INSL6: variants seen among roughly 807,000 people sequenced by gnomAD.
INSL6 encodes insulin-like peptide INSL6.
Under a neutral mutation model 9.4 loss-of-function variants are expected in INSL6, and 16 were observed. That is an observed-to-expected ratio of 1.70 (90% confidence interval 1.15 to 2.59). INSL6 has a LOEUF of 2.59. INSL6 is among the 30% of genes most tolerant of loss of function. The pLI, the probability that INSL6 is intolerant of heterozygous loss-of-function variation, is 0.00. For synonymous variants in INSL6, 154 were observed against 96.9 expected, an observed-to-expected ratio of 1.59 and a Z score of -3.46; for missense variants, 391 against 257.3, an observed-to-expected ratio of 1.52 and a Z score of -3.56.
At chr9:5,110,777 TA>T in the INSL6 span, 1 of 392,924 alleles carries the variant, frequency 2.5e-6, no homozygotes, top group South Asian at 2.0e-5. Context: ...GCAGGAGTGG[TA>T]AGGGCCCGGG....
intron 1 of INSL6, among the ~76,000 whole-genome samples, chr9:5,172,576 A>C (rs1465536707): frequency 6.6e-6 from 1 of 152,232 alleles, no homozygotes; most frequent in African/African-American, 2.4e-5. Context: ...CGAAGGTCTA[A>C]TATCCAGAAT....
the INSL6 span, chr9:5,097,676 T>C: frequency 1.4e-4 from 22 of 152,340 alleles, no homozygotes; most frequent in Admixed American, 1.4e-3. Flanking sequence ...CCCGCAATGT[T>C]CTGAGCCCTA....
chr9:5,105,944 T>TA, the INSL6 span, among the ~76,000 whole-genome samples: 1 of 152,178 alleles, frequency 6.6e-6, no homozygotes, highest in South Asian at 2.1e-4. Flanking sequence ...ATGTTAGACT[T>TA]AAAACCATAA....
the INSL6 span, among the ~76,000 whole-genome samples, chr9:5,023,676 G>A: frequency 1.3e-5 from 2 of 152,056 alleles, no homozygotes; most frequent in East Asian, 1.9e-4. Flanking sequence ...GTCTTGTTTC[G>A]TCTCCTTCCT....
At chr9:5,038,386 A>G in the INSL6 span, among the ~76,000 whole-genome samples, 2 of 152,194 alleles carry the variant, frequency 1.3e-5, no homozygotes, top group Non-Finnish European at 2.9e-5. Context: ...TTCACAAAAA[A>G]TAGAAAAGGA....
chr9:5,149,882 CT>C (rs1402330899), intron 2 of INSL6, among the ~76,000 whole-genome samples: 5 of 152,152 alleles, frequency 3.3e-5, no homozygotes, highest in African/African-American at 1.2e-4. Context: ...CAACAGGCTA[CT>C]CATATAAAAA....
the INSL6 span, among the ~76,000 whole-genome samples, chr9:5,068,759 G>A: frequency 8.5e-5 from 13 of 152,290 alleles, no homozygotes; most frequent in Admixed American, 6.5e-4. Flanking sequence ...AACTATTAAG[G>A]ATGGTATTGT....
chr9:5,115,122 C>A, the INSL6 span, among the ~76,000 whole-genome samples: 2 of 152,126 alleles, frequency 1.3e-5, no homozygotes, highest in African/African-American at 4.8e-5. Flanking sequence ...TCAGAGTGAA[C>A]AGGCTACCTA....
chr9:5,029,966 A>T, the INSL6 span: 1 of 1,473,020 alleles, frequency 6.8e-7, no homozygotes, highest in African/African-American at 1.4e-5. Flanking sequence ...AGAAATTATC[A>T]AATATTTTTT....
At chr9:5,088,132 AC>A in the INSL6 span, among the ~76,000 whole-genome samples, 2 of 152,064 alleles carry the variant, frequency 1.3e-5, no homozygotes, top group African/African-American at 4.8e-5. Context: ...AGGATGAAAA[AC>A]CTCATTTTAG....
intron 2 of INSL6, among the ~76,000 whole-genome samples, chr9:5,135,590 A>T (rs1824374472): frequency 1.3e-5 from 2 of 152,230 alleles, no homozygotes; most frequent in African/African-American, 4.8e-5. Flanking sequence ...CAAAGAAACA[A>T]TGTACCAGAA....
chr9:5,115,218 G>GA, the INSL6 span, among the ~76,000 whole-genome samples: 13 of 151,870 alleles, frequency 8.6e-5, no homozygotes, highest in African/African-American at 2.7e-4. Flanking sequence ...AAGTTCACAA[G>GA]AAAAAAACAA....
At chr9:5,032,240 A>T in the INSL6 span, among the ~76,000 whole-genome samples, 7 of 152,218 alleles carry the variant, frequency 4.6e-5, no homozygotes, top group Non-Finnish European at 8.8e-5. Context: ...TAGGTAAACA[A>T]AGCAGCCAGG....
chr9:5,117,079 G>C, the INSL6 span, among the ~76,000 whole-genome samples: 1 of 152,130 alleles, frequency 6.6e-6, no homozygotes, highest in African/African-American at 2.4e-5. Context: ...GTGAGGACAC[G>C]GCATTCCTCT....
chr9:5,015,531 T>A, the INSL6 span, among the ~76,000 whole-genome samples: 1 of 76,216 alleles, frequency 1.3e-5, no homozygotes, highest in South Asian at 3.4e-4. Context: ...CTTTTTCTTT[T>A]TCTTTTCTTT....
the INSL6 span, chr9:5,085,086 A>G: frequency 1.5e-6 from 1 of 666,624 alleles, no homozygotes. Flanking sequence ...TTATTGCTTC[A>G]TGGCAGTACT....
chr9:5,079,300 G>A, the INSL6 span, among the ~76,000 whole-genome samples: 3 of 152,178 alleles, frequency 2.0e-5, no homozygotes, highest in African/African-American at 7.2e-5. Flanking sequence ...GTCTGTCTAT[G>A]TCAGAATACC....
intron 2 of INSL6, among the ~76,000 whole-genome samples, chr9:5,154,472 T>C (rs1036080412): frequency 6.6e-6 from 1 of 152,186 alleles, no homozygotes; most frequent in Admixed American, 6.5e-5. Flanking sequence ...AATTGACAAA[T>C]GGGATCTCAT....
the INSL6 span, among the ~76,000 whole-genome samples, chr9:5,020,258 G>C: frequency 6.6e-6 from 1 of 152,138 alleles, no homozygotes; most frequent in Non-Finnish European, 1.5e-5. Context: ...TGGCAGGTTG[G>C]GTGGGCCACA....
Sources: allele counts gnomAD v4.1 joint callset (sites outside exome capture counted in the v4.1 genomes callset), GRCh38; gene constraint gnomAD v4.1.1; transcripts MANE v1.5; gene names NCBI Gene and HGNC (gene_info 2026-07-23, HGNC 2026-07-21).